The following CNTN4 variants were observed in gnomAD, a reference collection of about 807,000 sequenced individuals.
CNTN4 encodes the protein contactin 4.
Under a neutral mutation model 122.5 loss-of-function variants are expected in CNTN4, and 77 were observed. That is an observed-to-expected ratio of 0.63 (90% CI 0.52 to 0.76). The LOEUF is 0.76. Ranked by LOEUF, CNTN4 falls within the 30% of genes least tolerant of loss-of-function variation. The probability of loss-of-function intolerance (pLI) is 0.00; values close to 1 mark genes in which losing one functional copy is unlikely to be tolerated. For synonymous variants in CNTN4, 512 were observed against 447.0 expected (o/e 1.15, Z -1.83); for missense variants, 1,256 against 1,259.1 (o/e 1.00, Z 0.04).
At chr3:2,865,972 C>T (rs994396102) in intron 7 of CNTN4, among the ~76,000 whole-genome samples, 2 of 152,126 alleles carry the variant, frequency 1.3e-5, no homozygotes, top group African/African-American at 2.4e-5. Flanking sequence ...TCCACTCCCT[C>T]GTGGATCTAA....
chr3:2,769,337 C>T (rs2090989976), intron 6 of CNTN4, among the ~76,000 whole-genome samples: 1 of 151,898 alleles, frequency 6.6e-6, no homozygotes, highest in Non-Finnish European at 1.5e-5. Context: ...TGGTGGCGCA[C>T]ACCTGTAGTC....
chr3:2,330,796 T>G (rs920978544), intron 2 of CNTN4, among the ~76,000 whole-genome samples: 4 of 152,184 alleles, frequency 2.6e-5, no homozygotes, highest in African/African-American at 9.7e-5. Flanking sequence ...ATAGCTGTTT[T>G]CTGTGACCTG....
chr3:2,811,124 T>G (rs1383175375), intron 6 of CNTN4, among the ~76,000 whole-genome samples: 1 of 151,966 alleles, frequency 6.6e-6, no homozygotes, highest in Non-Finnish European at 1.5e-5. Flanking sequence ...AAGATTTTGG[T>G]CCCGGCCAGG....
In CNTN4 at chr3:2,849,550, C is replaced by T. The variant is rs986736458; in HGVS notation, c.455-17202C>T. ...GCCTTAGTGAGTCATTGGACCTCAA[C>T]GGCTAGGCAGTCACTGATGGGAGCA... On this transcript the variant is annotated intron_variant, in intron 7 of 24. Coordinates refer to ENST00000418658, the MANE Select transcript of CNTN4 (RefSeq NM_175607.3). 5.3e-5 allele frequency among the ~76,000 whole-genome samples: 8 copies of T among 152,152 alleles called. 1 individual carries two copies. The highest frequency in any genetic ancestry group is 2.6e-4 in the Admixed American group (4 of 15,286).
chr3:2,990,876 A>T (rs1378980057), intron 14 of CNTN4, among the ~76,000 whole-genome samples: 1 of 152,216 alleles, frequency 6.6e-6, no homozygotes, highest in African/African-American at 2.4e-5. Context: ...TACAGTTACA[A>T]TTTTTTAAAA....
At chr3:2,338,367 ATTATG>A (rs1274623338) in intron 2 of CNTN4, among the ~76,000 whole-genome samples, 1 of 151,998 alleles carries the variant, frequency 6.6e-6, no homozygotes, top group African/African-American at 2.4e-5. Flanking sequence ...TATCCAATCA[ATTATG>A]TTATATTTAA....
At chr3:2,360,547 G>C (rs2045088374) in intron 3 of CNTN4, among the ~76,000 whole-genome samples, 1 of 152,096 alleles carries the variant, frequency 6.6e-6, no homozygotes, top group African/African-American at 2.4e-5. Context: ...AACTTCCCGA[G>C]ACTGGGTAAT....
chr3:2,313,426 G>A (rs890433631), intron 2 of CNTN4, among the ~76,000 whole-genome samples: 7 of 152,022 alleles, frequency 4.6e-5, no homozygotes, highest in Non-Finnish European at 8.8e-5. Context: ...AAAAAATGCA[G>A]TGTGCTGTCA....
intron 3 of CNTN4, among the ~76,000 whole-genome samples, chr3:2,467,045 A>C (rs527555031): frequency 1.4e-5 from 2 of 142,344 alleles, no homozygotes; most frequent in Admixed American, 7.4e-5. Flanking sequence ...ACACATATGG[A>C]GTAGATGCCA....
chr3:2,506,551 T>C (rs1407229355), intron 3 of CNTN4, among the ~76,000 whole-genome samples: 2 of 152,202 alleles, frequency 1.3e-5, no homozygotes, highest in African/African-American at 4.8e-5. Context: ...TAAATATTTG[T>C]TGAATGAGTA....
At chr3:2,139,320 A>T (rs189908030) in intron 2 of CNTN4, among the ~76,000 whole-genome samples, 2 of 152,312 alleles carry the variant, frequency 1.3e-5, no homozygotes, top group East Asian at 3.9e-4. Context: ...TATCATTTGA[A>T]AAAACACACA....
intron 13 of CNTN4, among the ~76,000 whole-genome samples, chr3:2,987,705 C>G (rs1254416804): frequency 6.6e-6 from 1 of 152,118 alleles, no homozygotes; most frequent in East Asian, 1.9e-4. Context: ...CATCTGTCAA[C>G]AAAAACATTT....
chr3:2,204,635 A>T (rs528873018), intron 2 of CNTN4, among the ~76,000 whole-genome samples: 6 of 152,148 alleles, frequency 3.9e-5, no homozygotes, highest in Admixed American at 1.3e-4. Context: ...CTCTTTTCAG[A>T]TGTAGGTCAC....
chr3:2,933,039 G>C (rs1412998337), intron 13 of CNTN4, among the ~76,000 whole-genome samples: 5 of 152,012 alleles, frequency 3.3e-5, no homozygotes, highest in South Asian at 2.1e-4. Context: ...AGCCAGGATG[G>C]TCTCGATCTC....
At chr3:3,029,642 CG>C (rs1699006796) in intron 15 of CNTN4, among the ~76,000 whole-genome samples, 1 of 152,142 alleles carries the variant, frequency 6.6e-6, no homozygotes, top group African/African-American at 2.4e-5. Context: ...ATGGTCTTTC[CG>C]GATGCTAGTC....
At chr3:2,935,479 A>C (rs2094559646) in intron 13 of CNTN4, among the ~76,000 whole-genome samples, 1 of 152,186 alleles carries the variant, frequency 6.6e-6, no homozygotes, top group Non-Finnish European at 1.5e-5. Context: ...AAATGATTTC[A>C]TTGGAACCAG....
In CNTN4 at chr3:2,713,756, A is replaced by G. The variant is rs1415444898; in HGVS notation, c.56-22459A>G. 2.6e-5 allele frequency among the ~76,000 whole-genome samples: 4 copies of G among 152,210 alleles called. No homozygotes were observed. The East Asian group carries it at 7.7e-4, about 29-fold the overall frequency. On this transcript the variant is annotated intron_variant, in intron 4 of 24. Coordinates refer to ENST00000418658, the MANE Select transcript of CNTN4 (RefSeq NM_175607.3). ...TGTAAAATGAGAATGTTGAGAGATA[A>G]TGAAATAATTATAGAAAGAAAGAAA...
rs561823239 is a variant in CNTN4, at chr3:2,795,622, G to A, written c.359-23864G>A. Among the ~76,000 whole-genome samples the A allele has an allele frequency of 4.6e-5, 7 of 151,002 alleles. No individual in the cohort carries two copies. In the East Asian group the frequency reaches 7.8e-4, roughly 17 times the overall value. ...TGCAAGCTCTGCCTCCCGGGTTCAC[G>A]CCATTCTCCTGCCTCAGCCTCCTGA... On this transcript the variant is annotated intron_variant, in intron 6 of 24. Coordinates refer to ENST00000418658, the MANE Select transcript of CNTN4 (RefSeq NM_175607.3).
At chr3:2,650,607 T>C (rs2083317865) in intron 4 of CNTN4, among the ~76,000 whole-genome samples, 1 of 152,170 alleles carries the variant, frequency 6.6e-6, no homozygotes, top group Non-Finnish European at 1.5e-5. Flanking sequence ...TTTTAAGAAA[T>C]GGCCACAGCC....
Sources: allele counts gnomAD v4.1 joint callset (sites outside exome capture counted in the v4.1 genomes callset), GRCh38; gene constraint gnomAD v4.1.1; transcripts MANE v1.5; gene names NCBI Gene and HGNC (gene_info 2026-07-23, HGNC 2026-07-21).